CSMD3: variants seen among roughly 807,000 people sequenced by gnomAD.
The protein encoded by CSMD3 is CUB and Sushi multiple domains 3.
CSMD3 carries 177 observed loss-of-function variants against 435.2 expected under a neutral mutation model. That is an observed-to-expected ratio of 0.41 (90% CI 0.36 to 0.46). The LOEUF (loss-of-function observed/expected upper bound fraction) is 0.46. Ranked by LOEUF, CSMD3 falls within the 20% of genes least tolerant of loss-of-function variation. CSMD3 has a pLI of 0.34. For missense variants in CSMD3, 4,265 were observed against 4,504.6 expected, an observed-to-expected ratio of 0.95 and a Z score of 1.52; for synonymous variants, 1,656 against 1,520.5, an observed-to-expected ratio of 1.09 and a Z score of -2.07.
intron 1 of CSMD3, among the ~76,000 whole-genome samples, chr8:113,324,849 T>C (rs13253954): frequency 0.33 from 49,562 of 152,020 alleles, 10,020 homozygotes; most frequent in Non-Finnish European, 0.47. Context: ...GCCACAGGGG[T>C]GGAGCTGCCC....
In CSMD3 at chr8:113,361,600, C is replaced by T. The variant is rs971068709; in HGVS notation, c.179-46807G>A. Among the ~76,000 whole-genome samples, 36 of 152,040 alleles carry T rather than the reference C, an allele frequency of 2.4e-4. 1 individual carries two copies. Among genetic ancestry groups the T allele is most frequent in the Admixed American group, 1.7e-3 (26 of 15,280 alleles). On this transcript the variant is annotated intron_variant, in intron 1 of 70. Transcript: ENST00000297405. ...ACAAGACAGTGTATCATTATTATAT[C>T]ATAAAAAGTTAGATAAGCCAATGTA...
At chr8:113,048,617 T>C (rs888339421) in intron 5 of CSMD3, among the ~76,000 whole-genome samples, 1 of 151,032 alleles carries the variant, frequency 6.6e-6, no homozygotes, top group Non-Finnish European at 1.5e-5. Flanking sequence ...TAAACTTTTA[T>C]ATAATATTTT....
At chr8:112,743,574 T>C (rs68078492) in intron 13 of CSMD3, among the ~76,000 whole-genome samples, 50,424 of 151,654 alleles carry the variant, frequency 0.33, 9,243 homozygotes, top group African/African-American at 0.5. Context: ...CTTAAAAAAA[T>C]CCTTTGGGAA....
chr8:113,385,633 AG>A, intron 1 of CSMD3, among the ~76,000 whole-genome samples: 1 of 152,208 alleles, frequency 6.6e-6, no homozygotes, highest in Non-Finnish European at 1.5e-5. Context: ...TCTGCACCCC[AG>A]GGAATATGTC....
intron 24 of CSMD3, among the ~76,000 whole-genome samples, chr8:112,565,099 C>T (rs1828958222): frequency 1.3e-5 from 2 of 151,896 alleles, no homozygotes; most frequent in Non-Finnish European, 2.9e-5. Flanking sequence ...ATGTAAATGA[C>T]AGTTAATTAA....
chr8:112,474,148 C>T (rs1818808033), intron 31 of CSMD3, among the ~76,000 whole-genome samples: 2 of 152,102 alleles, frequency 1.3e-5, no homozygotes, highest in African/African-American at 2.4e-5. Context: ...CAAATCCAGC[C>T]TGTGGACCAA....
intron 16 of CSMD3, among the ~76,000 whole-genome samples, chr8:112,678,869 C>A: frequency 6.6e-6 from 1 of 152,070 alleles, no homozygotes; most frequent in Middle Eastern, 3.4e-3. Context: ...CAGTGAAAAT[C>A]TTAAGGATGT....
intron 53 of CSMD3, among the ~76,000 whole-genome samples, chr8:112,301,319 AT>A (rs199791585): frequency 0.034 from 5,093 of 151,786 alleles, 102 homozygotes; most frequent in Non-Finnish European, 0.043. Flanking sequence ...GGTTCAAAAA[AT>A]TTTTTTTTAA....
In CSMD3 at chr8:112,394,471, G is replaced by A. The variant is rs187736830; in HGVS notation, c.5810-3683C>T. ...TAGTTAGGAAAATTTCAAACTCACC[G>A]TGGTCTTCAAGGATCCATGTGACTT... On this transcript the variant is annotated intron_variant, in intron 35 of 70. Coordinates refer to ENST00000297405, the MANE Select transcript of CSMD3 (RefSeq NM_198123.2). Among the ~76,000 whole-genome samples the A allele has an allele frequency of 5.5e-4, 83 of 152,134 alleles. 1 individual carries two copies. In the East Asian group the frequency reaches 9.9e-3, roughly 18 times the overall value.
At chr8:113,208,569 A>G (rs1394443663) in intron 3 of CSMD3, among the ~76,000 whole-genome samples, 1 of 152,162 alleles carries the variant, frequency 6.6e-6, no homozygotes, top group East Asian at 1.9e-4. Flanking sequence ...TATCATATAT[A>G]AAAGATATCT....
At chr8:112,554,687 G>T (rs1260030175) in intron 25 of CSMD3, among the ~76,000 whole-genome samples, 1 of 151,796 alleles carries the variant, frequency 6.6e-6, no homozygotes, top group Non-Finnish European at 1.5e-5. Flanking sequence ...ATATGCTGTA[G>T]TACTGGAGTT....
intron 13 of CSMD3, among the ~76,000 whole-genome samples, chr8:112,771,522 G>C (rs1200861170): frequency 2.0e-5 from 3 of 151,980 alleles, no homozygotes; most frequent in African/African-American, 7.2e-5. Flanking sequence ...CTGGGTGACA[G>C]AGTGAGACTC....
intron 17 of CSMD3, among the ~76,000 whole-genome samples, chr8:112,659,629 C>G (rs548051015): frequency 6.6e-6 from 1 of 152,222 alleles, no homozygotes; most frequent in Non-Finnish European, 1.5e-5. Flanking sequence ...ATGAATACCT[C>G]TTAGACTCAG....
chr8:113,016,630 G>A (rs780949336), intron 6 of CSMD3, among the ~76,000 whole-genome samples: 17 of 151,662 alleles, frequency 1.1e-4, no homozygotes, highest in Non-Finnish European at 2.1e-4. Flanking sequence ...CTGAGTACTC[G>A]GTAAATATAT....
At chr8:112,617,567 T>C (rs1586816771) in intron 22 of CSMD3, among the ~76,000 whole-genome samples, 1 of 152,318 alleles carries the variant, frequency 6.6e-6, no homozygotes, top group East Asian at 1.9e-4. Context: ...TTCTGTTGTT[T>C]ATTCCACAAT....
intron 9 of CSMD3, among the ~76,000 whole-genome samples, chr8:112,930,735 C>T (rs2083078041): frequency 6.6e-6 from 1 of 152,060 alleles, no homozygotes; most frequent in Admixed American, 6.6e-5. Flanking sequence ...GAGTAACCCA[C>T]AAGGCACTTT....
intron 3 of CSMD3, among the ~76,000 whole-genome samples, chr8:113,241,443 T>C (rs984070630): frequency 2.0e-5 from 3 of 151,984 alleles, no homozygotes; most frequent in Non-Finnish European, 2.9e-5. Flanking sequence ...ATCTATTTCA[T>C]CACAAATATC....
At chr8:112,747,041 CTG>C (rs1262686648) in intron 13 of CSMD3, among the ~76,000 whole-genome samples, 3 of 152,136 alleles carry the variant, frequency 2.0e-5, no homozygotes, top group East Asian at 1.9e-4. Flanking sequence ...AAATACAAGA[CTG>C]TGTCATTTCC....
chr8:113,194,371 CA>C (rs2092626890), intron 3 of CSMD3, among the ~76,000 whole-genome samples: 1 of 150,958 alleles, frequency 6.6e-6, no homozygotes, highest in South Asian at 2.1e-4. Context: ...ACTCAACAAA[CA>C]AATAAGTGAA....
Sources: gnomAD v4.1 joint callset for allele counts (sites outside exome capture counted in the v4.1 genomes callset) on GRCh38, gnomAD v4.1.1 for gene constraint, MANE v1.5 for transcripts, NCBI Gene and HGNC (gene_info 2026-07-23, HGNC 2026-07-21) for gene names.